RB1: variants seen among roughly 807,000 people sequenced by gnomAD.
RB1 encodes RB transcriptional corepressor 1, also known as retinoblastoma-associated protein.
A neutral mutation model predicts 135.4 loss-of-function variants in RB1; 18 were observed. The ratio of observed to expected loss-of-function variants is 0.13; its 90% confidence interval spans 0.09 to 0.20. The LOEUF (loss-of-function observed/expected upper bound fraction) is 0.20, where lower values mean the gene tolerates loss of function less well. Among genes scored for constraint, RB1 ranks in the 10% least tolerant of loss-of-function variants. The pLI, the probability that RB1 is intolerant of heterozygous loss-of-function variation, is 1.00. For synonymous variants in RB1, 365 were observed against 373.2 expected (o/e 0.98, Z 0.25); for missense variants, 868 against 1,110.0 (o/e 0.78, Z 3.10).
intron 17 of RB1, among the ~76,000 whole-genome samples, chr13:48,402,789 G>C (rs1053865569): frequency 2.6e-5 from 4 of 152,032 alleles, no homozygotes; most frequent in African/African-American, 9.6e-5. Flanking sequence ...TTCAGTCTTT[G>C]TCATCTCAGG....
chr13:48,336,100 C>A (rs1381954746), intron 2 of RB1, among the ~76,000 whole-genome samples: 1 of 151,810 alleles, frequency 6.6e-6, no homozygotes, highest in Non-Finnish European at 1.5e-5. Flanking sequence ...AGAGGTCTTT[C>A]TGGATTTTGC....
At chr13:48,403,710 C>T (rs1593471646) in intron 17 of RB1, among the ~76,000 whole-genome samples, 1 of 152,222 alleles carries the variant, frequency 6.6e-6, no homozygotes, top group East Asian at 1.9e-4. Flanking sequence ...CACAAAGTTT[C>T]CAGTGTAGGG....
intron 16 of RB1, 98 bp from the exon 17 acceptor site, chr13:48,381,149 C>T: frequency 1.4e-6 from 2 of 1,463,904 alleles, no homozygotes; most frequent in South Asian, 1.4e-5. Flanking sequence ...ATGGTTTAAC[C>T]TTTCTACTGT....
intron 9 of RB1, among the ~76,000 whole-genome samples, chr13:48,367,278 T>C (rs1186949349): frequency 5.9e-5 from 9 of 152,232 alleles, no homozygotes. Context: ...ATATTTTCTA[T>C]GCACGAAATA....
chr13:48,463,775 A>G lies in RB1; in HGVS notation c.2151A>G (p.Ile717Met), dbSNP rs1555294518. ...ATGGCATATGCAAAGTGAAGAATAT[A>G]GACCTTAAATTCAAAATCATTGTAA... ...SMYGICKVKN[I>M]DLKFKIIVTA... Residue 717 changes from isoleucine (I) to methionine (M), a missense_variant, in exon 21 of 27, where the codon ATA becomes ATG. Physicochemically the swap from Ile to Met is conservative, Grantham distance 10. Transcript: ENST00000267163. 1 of 1,604,478 alleles carries G rather than the reference A, an allele frequency of 6.2e-7. No individual in the cohort carries two copies. The highest frequency in any genetic ancestry group is 8.5e-7 in the Non-Finnish European group (1 of 1,171,446).
intron 23 of RB1, among the ~76,000 whole-genome samples, chr13:48,471,523 C>A: frequency 1.6e-5 from 2 of 123,326 alleles, no homozygotes; most frequent in Non-Finnish European, 3.4e-5. Context: ...AACTAACCTG[C>A]ACAATGTGCA....
intron 5 of RB1, among the ~76,000 whole-genome samples, 198 bp downstream of exon 5, chr13:48,348,061 AAAG>A (rs1474651125): frequency 6.6e-6 from 1 of 152,022 alleles, no homozygotes; most frequent in Non-Finnish European, 1.5e-5. Flanking sequence ...CTTGTACTAC[AAAG>A]AAGAACTAAT....
At position 48,480,182 on chromosome 13, in the gene RB1, A is replaced by T; in HGVS notation, c.*111A>T. ...GTTTATGGCCACATTTAATATCTTCAGCTCTTTTTGTGGATATAAAATGTG... is the reference window on the plus strand; with the variant it reads ...GTTTATGGCCACATTTAATATCTTCTGCTCTTTTTGTGGATATAAAATGTG... On this transcript the variant is annotated 3_prime_UTR_variant, in exon 27 of 27. Coordinates refer to ENST00000267163, the MANE Select transcript of RB1 (RefSeq NM_000321.3). 1.1e-6 allele frequency: 1 copy of T among 894,626 alleles called. No homozygotes were observed. The highest frequency in any genetic ancestry group is 2.0e-5 in the Admixed American group (1 of 50,588). 55.4% of individuals were successfully genotyped at this position (894,626 alleles called of 1,614,324 possible). A position where few individuals can be genotyped will look rare whatever the true frequency, so the allele number is the denominator to read the frequency against.
chr13:48,439,263 T>C (rs1949213892), intron 17 of RB1, among the ~76,000 whole-genome samples: 1 of 152,182 alleles, frequency 6.6e-6, no homozygotes, highest in Non-Finnish European at 1.5e-5. Flanking sequence ...TTAAATGAGA[T>C]AATATATGTA....
At chr13:48,334,885 A>C (rs1252524678) in intron 2 of RB1, among the ~76,000 whole-genome samples, 1 of 150,626 alleles carries the variant, frequency 6.6e-6, no homozygotes, top group African/African-American at 2.4e-5. Context: ...TTAAACTGTA[A>C]TGTATGTGAT....
intron 2 of RB1, among the ~76,000 whole-genome samples, chr13:48,339,589 G>A (rs1433428995): frequency 1.3e-5 from 2 of 152,162 alleles, no homozygotes; most frequent in African/African-American, 4.8e-5. Context: ...CCCTTGGCTA[G>A]GAAAGGGAAT....
At chr13:48,336,608 C>G (rs1952387778) in intron 2 of RB1, among the ~76,000 whole-genome samples, 1 of 151,864 alleles carries the variant, frequency 6.6e-6, no homozygotes, top group Non-Finnish European at 1.5e-5. Context: ...AGTGGTCTAT[C>G]AATTTTGTTG....
At chr13:48,337,471 C>A (rs1171005104) in intron 2 of RB1, among the ~76,000 whole-genome samples, 6 of 151,990 alleles carry the variant, frequency 3.9e-5, no homozygotes, top group Non-Finnish European at 5.9e-5. Flanking sequence ...GTTGGTTTAA[C>A]GTCTGTTTTA....
intron 6 of RB1, 65 bp downstream of exon 6, chr13:48,349,088 G>A (rs2138094012): frequency 6.7e-7 from 1 of 1,503,042 alleles, no homozygotes; most frequent in South Asian, 1.2e-5. Context: ...GCATTCCTTT[G>A]GACTAAATTC....
At chr13:48,411,813 G>C (rs749778807) in intron 17 of RB1, 1 of 1,612,596 alleles carries the variant, frequency 6.2e-7, no homozygotes, top group Admixed American at 1.7e-5. Context: ...CACCATACTA[G>C]AACAAGTTAC....
chr13:48,359,874 A>G (rs74440926), intron 6 of RB1, 143 bp from the exon 7 acceptor site: 4 of 1,169,870 alleles, frequency 3.4e-6, no homozygotes, highest in Admixed American at 6.6e-5. Context: ...TTTTTTTTTT[A>G]CAAAAAAAAG....
intron 17 of RB1, among the ~76,000 whole-genome samples, chr13:48,404,545 T>A (rs1948722535): frequency 6.6e-6 from 1 of 152,078 alleles, no homozygotes; most frequent in Non-Finnish European, 1.5e-5. Flanking sequence ...TGTTTTTTTT[T>A]AATGACAGTC....
At chr13:48,446,269 C>A (rs1949286801) in intron 17 of RB1, among the ~76,000 whole-genome samples, 3 of 151,982 alleles carry the variant, frequency 2.0e-5, no homozygotes, top group Admixed American at 2.0e-4. Context: ...CATTTTAAAT[C>A]TTATTCTCAC....
At chr13:48,359,701 A>C (rs1952621686) in intron 6 of RB1, among the ~76,000 whole-genome samples, 1 of 150,780 alleles carries the variant, frequency 6.6e-6, no homozygotes, top group South Asian at 2.1e-4. Flanking sequence ...AATTAGAAAT[A>C]AATTTAAAAA....
Sources: allele counts gnomAD v4.1 joint callset (sites outside exome capture counted in the v4.1 genomes callset), GRCh38; gene constraint gnomAD v4.1.1; transcripts MANE v1.5; gene names NCBI Gene and HGNC (gene_info 2026-07-23, HGNC 2026-07-21).